Variants in IRX6 observed in about 807,000 individuals in gnomAD.
IRX6 encodes iroquois-class homeodomain protein IRX-6.
IRX6 carries 46 observed loss-of-function variants against 47.7 expected under a neutral mutation model. The observed-to-expected ratio is 0.96, with a 90% confidence interval of 0.76 to 1.23. The LOEUF (loss-of-function observed/expected upper bound fraction) is 1.23. Among genes scored for constraint, IRX6 ranks in the 50% most tolerant of loss-of-function variants. IRX6 has a pLI of 0.00. For synonymous variants in IRX6, 265 were observed against 246.2 expected, an observed-to-expected ratio of 1.08 and a Z score of -0.72; for missense variants, 722 against 588.0, an observed-to-expected ratio of 1.23 and a Z score of -2.36.
At position 55,327,820 on chromosome 16, in the gene IRX6, C is replaced by A. The variant is rs1290263762; in HGVS notation, c.648C>A (p.Asn216Lys). 6.2e-7 allele frequency: 1 copy of A among 1,613,102 alleles called. No individual in the cohort carries two copies. The highest frequency in any genetic ancestry group is 2.2e-5 in the East Asian group (1 of 44,864). The change falls in exon 4 of 6, where the codon AAC becomes AAA. Residue 216 changes from asparagine (N) to lysine (K), a missense_variant. By Grantham distance (94) the Asn-to-Lys change is moderately conservative. Coordinates refer to ENST00000290552, the MANE Select transcript of IRX6 (RefSeq NM_024335.3). Reference sequence around the variant, plus strand: ...ACAAAATGACATGGGCGCCCAAGAACAAAGGTGGGGAGGAGAGGAAGGCAG... The same window carrying A: ...ACAAAATGACATGGGCGCCCAAGAAAAAAGGTGGGGAGGAGAGGAAGGCAG... ...KENKMTWAPK[N>K]KGGEERKAEG...
rs1960591715 is a variant in IRX6 at position 55,328,992 on chromosome 16, G to T, written c.1014G>T (p.Arg338Ser). ...DFLSAETGSP[R>S]LTMHYPCLEK... ...TCTCGGCGGAGACAGGCAGCCCTAG[G>T]TTGACCATGCACTACCCATGCTTGG... is the stretch of plus-strand genomic sequence containing the variant. Residue 338 changes from arginine to serine, a missense_variant, in exon 5 of 6, where the codon AGG (arginine) becomes AGT (serine). Physicochemically the swap from Arg to Ser is moderately radical, Grantham distance 110. Coordinates refer to ENST00000290552, the MANE Select transcript of IRX6 (RefSeq NM_024335.3). The T allele has an allele frequency of 6.2e-7, 1 of 1,613,696 alleles. No homozygotes were observed. The highest frequency in any genetic ancestry group is 8.5e-7 in the Non-Finnish European group (1 of 1,180,050).
At chr16:55,327,057 A>T (rs1960544010) in intron 2 of IRX6, 1 of 517,630 alleles carries the variant, frequency 1.9e-6, no homozygotes, top group Non-Finnish European at 3.4e-6. Flanking sequence ...TGCACCAGGG[A>T]TTCTGCCAAG....
rs1233656485 is a variant in IRX6, at chr16:55,325,466, A to AAG, written c.45+330_45+331insAG. 3.9e-5 allele frequency among the ~76,000 whole-genome samples: 5 copies of AAG among 127,442 alleles called. 1 individual carries two copies. The highest frequency in any genetic ancestry group is 1.0e-4 in the African/African-American group (3 of 29,912). The allele number at this position is 127,442 out of a possible 152,430, so 83.6% of individuals were successfully genotyped here. ...GCCGGGAGAGAAAGAAAGAAAGAAA[A>AAG]GAAAGAAAGAAATAAGGAAGGAAGG... On this transcript the variant is annotated intron_variant, in intron 1 of 5. Transcript: ENST00000290552.
In IRX6 at chr16:55,324,954, C is replaced by T. The variant is rs1200430399; in HGVS notation, c.-138C>T. The stretch of plus-strand genomic sequence containing the variant: ...GCCCTCGGCTCTGCCTCCACTGGGG[C>T]CAACCAGGCGAAGGAACCGGCGCTG... On this transcript the variant is annotated 5_prime_UTR_variant, in exon 1 of 6. Coordinates refer to ENST00000290552, the MANE Select transcript of IRX6 (RefSeq NM_024335.3). This position sits in a 1 kb window ranked among gnomAD's most constrained non-coding sequence, Gnocchi z 4.4. 1 of 902,386 alleles carries T rather than the reference C, an allele frequency of 1.1e-6. No individual in the cohort carries two copies. Among genetic ancestry groups the T allele is most frequent in the East Asian group, 2.6e-5 (1 of 38,542 alleles). The allele number at this position is 902,386 out of a possible 1,614,324, so 55.9% of individuals were successfully genotyped here. A position where few individuals can be genotyped will look rare whatever the true frequency, so the allele number is the denominator to read the frequency against.
At chr16:55,326,974 A>AGGG (rs1299330572) in intron 2 of IRX6, 4 of 69,942 alleles carry the variant, frequency 5.7e-5, no homozygotes, top group Admixed American at 1.9e-4. Flanking sequence ...GGTGGGGGGC[A>AGGG]GTAAGGGGGG....
chr16:55,329,446 G>A (rs1275472934), intron 5 of IRX6, 135 bp downstream of exon 5: 1 of 1,177,280 alleles, frequency 8.5e-7, no homozygotes, highest in Non-Finnish European at 1.2e-6. Context: ...TTGCTTTACA[G>A]CGCTCTTTCA....
chr16:55,325,908 G>C (rs1417713756), intron 1 of IRX6: 2 of 173,864 alleles, frequency 1.2e-5, no homozygotes, highest in African/African-American at 4.8e-5. Context: ...CACTCTCTCT[G>C]ATTATCCACT....
chr16:55,324,779 C>G lies in IRX6; in HGVS notation c.-313C>G, dbSNP rs1960478941. On this transcript the variant is annotated 5_prime_UTR_variant, in exon 1 of 6. Transcript: ENST00000290552. The surrounding 1 kb of genome is among the most constrained non-coding windows in gnomAD (Gnocchi z 4.4). ...TGGGACACCTCCGGAGCCTCACAGC[C>G]CCGCGCCGCGCCGCGCCTCACCTCG... is the stretch of plus-strand genomic sequence containing the variant. 2 of 465,616 alleles carry G rather than the reference C, an allele frequency of 4.3e-6. No homozygotes were observed. Among genetic ancestry groups the G allele is most frequent in the Non-Finnish European group, 7.8e-6 (2 of 255,714 alleles). 28.8% of individuals were successfully genotyped at this position (465,616 alleles called of 1,614,324 possible).
Position 55,325,534 on chromosome 16 carries a change from AG to A in IRX6, c.45+399del, listed in dbSNP as rs1567338536. On this transcript the variant is annotated intron_variant, in intron 1 of 5. Transcript: ENST00000290552. The stretch of plus-strand genomic sequence containing the variant: ...AGGAAGGAAGGAAGGAAGGAAGGAG[AG>A]AGAGAGAGAGAGAGAGAGAGAGAGA... Among the ~76,000 whole-genome samples, 13 of 51,996 alleles carry A rather than the reference AG, an allele frequency of 2.5e-4. 3 individuals are homozygous for A. Among genetic ancestry groups the A allele is most frequent in the South Asian group, 1.8e-3 (2 of 1,086 alleles). The allele number at this position is 51,996 out of a possible 152,430, so 34.1% of individuals were successfully genotyped here. A position where few individuals can be genotyped will look rare whatever the true frequency, so the allele number is the denominator to read the frequency against.
In IRX6 at chr16:55,330,405, G is replaced by A; in HGVS notation, c.*100G>A. ...TGCCAGACCTTGCCAGGGACCAGGA[G>A]CTCTCACTTTGCCTAAGAGACAGAC... On this transcript the variant is annotated 3_prime_UTR_variant, in exon 6 of 6. Transcript: ENST00000290552. 1 of 1,182,304 alleles carries A rather than the reference G, an allele frequency of 8.5e-7. No individual in the cohort carries two copies. The highest frequency in any genetic ancestry group is 1.2e-5 in the South Asian group (1 of 81,926). 73.2% of individuals were successfully genotyped at this position (1,182,304 alleles called of 1,614,324 possible). A position where few individuals can be genotyped will look rare whatever the true frequency, so the allele number is the denominator to read the frequency against.
intron 1 of IRX6, 22 bp from the exon 2 acceptor site, chr16:55,326,314 G>A (rs1466808476): frequency 2.5e-6 from 4 of 1,591,348 alleles, no homozygotes; most frequent in Non-Finnish European, 2.6e-6. Flanking sequence ...GACCTCCAGT[G>A]CCCTCTTTCT....
chr16:55,326,505 G>A lies in IRX6; in HGVS notation c.215G>A (p.Gly72Glu). The A allele has an allele frequency of 1.9e-6, 3 of 1,611,372 alleles. No individual in the cohort carries two copies. Among genetic ancestry groups the A allele is most frequent in the African/African-American group, 2.7e-5 (2 of 75,012 alleles). ...PELGAALGIY[G>E]APYAAAAAAQ... ...CTGGGCGCCGCCTTGGGCATCTATG[G>A]AGCACCCTATGCGGCCGCTGCAGCT... The change falls in exon 2 of 6, where the codon GGA (glycine) becomes GAA (glutamate). Residue 72 changes from glycine to glutamate, a missense_variant. Physicochemically the swap from Gly to Glu is moderately conservative, Grantham distance 98. Transcript: ENST00000290552.
In IRX6 at chr16:55,330,288, CCT is replaced by C; in HGVS notation, c.1334-4_1334-3del. The C allele has an allele frequency of 6.2e-7, 1 of 1,613,648 alleles. No individual in the cohort carries two copies. The highest frequency in any genetic ancestry group is 8.5e-7 in the Non-Finnish European group (1 of 1,179,556). On this transcript the variant is annotated splice_polypyrimidine_tract_variant and splice_region_variant and intron_variant, in intron 5 of 5. Coordinates refer to ENST00000290552, the MANE Select transcript of IRX6 (RefSeq NM_024335.3). ...AGCCTTTGGGTTTTAATCAACCTTT[CCT>C]CTCTCAGCAGGTTAGCGCAATGGCT...
rs1248891909 is a variant in IRX6 at position 55,325,532 on chromosome 16, A to AAGGAAG, written c.45+396_45+397insAGGAAG. ...GAAGGAAGGAAGGAAGGAAGGAAGG[A>AAGGAAG]GAGAGAGAGAGAGAGAGAGAGAGAG... On this transcript the variant is annotated intron_variant, in intron 1 of 5. Coordinates refer to ENST00000290552, the MANE Select transcript of IRX6 (RefSeq NM_024335.3). Among the ~76,000 whole-genome samples, 22 of 49,318 alleles carry AAGGAAG rather than the reference A, an allele frequency of 4.5e-4. 6 individuals carry two copies. The highest frequency in any genetic ancestry group is 2.0e-3 in the East Asian group (2 of 992). 32.4% of individuals were successfully genotyped at this position (49,318 alleles called of 152,430 possible).
Position 55,325,125 on chromosome 16 carries a change from G to A in IRX6, c.34G>A (p.Gly12Ser), listed in dbSNP as rs777241391. The A allele has an allele frequency of 3.1e-6, 5 of 1,613,998 alleles. No homozygotes were observed. The highest frequency in any genetic ancestry group is 3.3e-5 in the Admixed American group (2 of 60,030). The change falls in exon 1 of 6, where the codon GGC becomes AGC. Residue 12 changes from glycine to serine, a missense_variant. Transcript: ENST00000290552. Reference protein sequence around the residue: ...SFPHFGHPYRGASQFLASASS... With the variant: ...SFPHFGHPYRSASQFLASASS... ...CCCACACTTTGGACACCCGTACCGC[G>A]GCGCTTCCCAGGTAAGAGGCGCCTC...
Position 55,327,896 on chromosome 16 carries a change from A to T in IRX6, c.721+3A>T, listed in dbSNP as rs765795232. On this transcript the variant is annotated splice_donor_region_variant and intron_variant, in intron 4 of 5. Transcript: ENST00000290552. ...CTGCCTAACTGCTGACACCAAAGGT[A>T]CTGAAAACGTTCACCACCCCACCTT... 1.3e-6 allele frequency: 2 copies of T among 1,586,548 alleles called. No individual in the cohort carries two copies. The highest frequency in any genetic ancestry group is 2.3e-5 in the South Asian group (2 of 86,762).
At chr16:55,327,116 C>A (rs897189324) in intron 2 of IRX6, among the ~76,000 whole-genome samples, 180 bp from the exon 3 acceptor site, 1 of 152,102 alleles carries the variant, frequency 6.6e-6, no homozygotes, top group Non-Finnish European at 1.5e-5. Context: ...ACTATTATCC[C>A]CATTTTACCA....
intron 4 of IRX6, among the ~76,000 whole-genome samples, chr16:55,328,219 C>T (rs31083): frequency 0.29 from 44,426 of 152,058 alleles, 6,736 homozygotes; most frequent in East Asian, 0.38. Context: ...AGTTTACATA[C>T]CCAACTTCCC....
chr16:55,325,101 C>T lies in IRX6; in HGVS notation c.10C>T (p.Pro4Ser). ...GCCAGGGACAGCCACCATGTCCTTC[C>T]CACACTTTGGACACCCGTACCGCGG... MSFPHFGHPYRGAS... is the reference protein window; with the variant it reads MSFSHFGHPYRGAS... Residue 4 changes from proline to serine, a missense_variant, in exon 1 of 6, where the codon CCA (proline) becomes TCA (serine). Pro to Ser is a moderately conservative substitution (Grantham distance 74). Transcript: ENST00000290552. 1 of 1,614,022 alleles carries T rather than the reference C, an allele frequency of 6.2e-7. No homozygotes were observed. Among genetic ancestry groups the T allele is most frequent in the Non-Finnish European group, 8.5e-7 (1 of 1,180,018 alleles).
Sources: gnomAD v4.1 joint callset for allele counts (sites outside exome capture counted in the v4.1 genomes callset) on GRCh38, gnomAD v4.1.1 for gene constraint, Gnocchi (gnomAD v3.1) non-coding constraint, MANE v1.5 for transcripts, NCBI Gene and HGNC (gene_info 2026-07-23, HGNC 2026-07-21) for gene names.